ELK3: variants seen among roughly 807,000 people sequenced by gnomAD.
ELK3 encodes the protein ETS transcription factor ELK3.
A neutral mutation model predicts 28.9 loss-of-function variants in ELK3; 10 were observed. The observed-to-expected ratio is 0.35, with a 90% CI of 0.21 to 0.59. The LOEUF (loss-of-function observed/expected upper bound fraction) is 0.59, where lower values mean the gene tolerates loss of function less well. Among genes scored for constraint, ELK3 ranks in the 20% least tolerant of loss-of-function variants. ELK3 has a pLI of 0.82. For missense variants in ELK3, 463 were observed against 517.3 expected, an observed-to-expected ratio of 0.90 and a Z score of 1.02; for synonymous variants, 272 against 243.5, an observed-to-expected ratio of 1.12 and a Z score of -1.09.
At position 96,245,346 on chromosome 12, in the gene ELK3, G is replaced by A. The variant is rs79898718; in HGVS notation, c.208-1594G>A. On this transcript the variant is annotated intron_variant, in intron 2 of 4. Transcript: ENST00000228741. ...TTCTCTCCCCCTAAATTTGTGTGGG[G>A]ATGTGAAAAAGCTTACGCTTTAGAA... Among the ~76,000 whole-genome samples the A allele has an allele frequency of 6.3e-3, 966 of 152,262 alleles. 7 individuals carry two copies. The highest frequency in any genetic ancestry group is 0.024 in the Middle Eastern group (7 of 294).
At chr12:96,225,640 A>G (rs1951693636) in intron 2 of ELK3, among the ~76,000 whole-genome samples, 1 of 152,178 alleles carries the variant, frequency 6.6e-6, no homozygotes, top group Non-Finnish European at 1.5e-5. Flanking sequence ...CTTGGATGAG[A>G]AACCTGCCCA....
chr12:96,210,561 G>GCGCACACACACACACA (rs1555193024), intron 1 of ELK3, among the ~76,000 whole-genome samples: 90 of 144,848 alleles, frequency 6.2e-4, no homozygotes, highest in Admixed American at 2.5e-3. Context: ...GCGCGCGGGC[G>GCGCACACACACACACA]CACGCACACA....
At chr12:96,251,889 C>A (rs1375822739) in intron 3 of ELK3, among the ~76,000 whole-genome samples, 1 of 152,240 alleles carries the variant, frequency 6.6e-6, no homozygotes. Context: ...GGAGAAGCTG[C>A]AGTAAGCTGT....
At chr12:96,261,490 T>G (rs1951992203) in intron 4 of ELK3, among the ~76,000 whole-genome samples, 1 of 152,194 alleles carries the variant, frequency 6.6e-6, no homozygotes, top group African/African-American at 2.4e-5. Flanking sequence ...AGTCTTAAGA[T>G]TAGAGCAGCA....
chr12:96,255,957 A>G (rs926680463), intron 3 of ELK3, among the ~76,000 whole-genome samples: 3 of 152,148 alleles, frequency 2.0e-5, no homozygotes, highest in South Asian at 4.1e-4. Flanking sequence ...ATGAGAGCTT[A>G]GTCCTCAGAA....
chr12:96,240,388 G>C (rs1424010381), intron 2 of ELK3, among the ~76,000 whole-genome samples: 1 of 152,232 alleles, frequency 6.6e-6, no homozygotes, highest in Non-Finnish European at 1.5e-5. Flanking sequence ...TATGGGGCTT[G>C]TCATGCGTGG....
At position 96,223,618 on chromosome 12, in the gene ELK3, C is replaced by G. The variant is rs1162406674; in HGVS notation, c.52C>G (p.Gln18Glu). The G allele has an allele frequency of 1.2e-6, 2 of 1,614,032 alleles. No individual in the cohort carries two copies. Among genetic ancestry groups the G allele is most frequent in the South Asian group, 1.1e-5 (1 of 91,080 alleles). Residue 18 changes from glutamine to glutamate, a missense_variant, in exon 2 of 5, where the codon CAG (glutamine) becomes GAG (glutamate). By Grantham distance (29) the Gln-to-Glu change is conservative. Around this residue, in one of 2 missense-constraint regions of ELK3, gnomAD observed 55 missense variants for 102.5 expected, o/e 0.54. Transcript: ENST00000228741. ...GTTCCTGTTGCAGTTGCTGCTGGAT[C>G]AGAAACATGAGCATTTGATCTGCTG... ...WQFLLQLLLD[Q>E]KHEHLICWTS...
At chr12:96,235,931 G>A (rs544063516) in intron 2 of ELK3, among the ~76,000 whole-genome samples, 86 of 152,220 alleles carry the variant, frequency 5.6e-4, no homozygotes, top group African/African-American at 2.0e-3. Context: ...GGGTTCGAGC[G>A]ATTCTCCTGC....
At chr12:96,200,077 A>T (rs1951499149) in intron 1 of ELK3, among the ~76,000 whole-genome samples, 1 of 152,302 alleles carries the variant, frequency 6.6e-6, no homozygotes, top group Admixed American at 6.5e-5. Flanking sequence ...TTTTAAATTG[A>T]TATAAATGTA....
chr12:96,264,939 G>C (rs967992769), intron 4 of ELK3, among the ~76,000 whole-genome samples: 4 of 152,160 alleles, frequency 2.6e-5, no homozygotes, highest in African/African-American at 9.7e-5. Flanking sequence ...AGGGATATTG[G>C]CTAGTTTATT....
chr12:96,204,773 GA>G (rs1306287237), intron 1 of ELK3, among the ~76,000 whole-genome samples: 2 of 152,200 alleles, frequency 1.3e-5, no homozygotes, highest in African/African-American at 4.8e-5. Flanking sequence ...GCCAGAAAAG[GA>G]GGTGTAAATG....
chr12:96,225,295 G>A (rs1451421459), intron 2 of ELK3, among the ~76,000 whole-genome samples: 1 of 152,184 alleles, frequency 6.6e-6, no homozygotes, highest in Non-Finnish European at 1.5e-5. Flanking sequence ...TCTGTGTCTG[G>A]GACTTGACTC....
chr12:96,199,219 T>C (rs1225395707), intron 1 of ELK3, among the ~76,000 whole-genome samples: 1 of 152,212 alleles, frequency 6.6e-6, no homozygotes, highest in Non-Finnish European at 1.5e-5. Flanking sequence ...ACTGAAAATA[T>C]ACCTTGAAAT....
chr12:96,266,222 CAT>C (rs1279948698), intron 4 of ELK3, among the ~76,000 whole-genome samples: 9 of 152,180 alleles, frequency 5.9e-5, no homozygotes, highest in Non-Finnish European at 7.4e-5. Context: ...GTACTTCTAA[CAT>C]GTGTCAGGCT....
intron 2 of ELK3, among the ~76,000 whole-genome samples, chr12:96,225,221 G>A (rs910707272): frequency 6.6e-6 from 1 of 152,216 alleles, no homozygotes; most frequent in Non-Finnish European, 1.5e-5. Flanking sequence ...TAAAAGCTGG[G>A]CTTTGAGACT....
intron 2 of ELK3, among the ~76,000 whole-genome samples, chr12:96,243,064 G>A (rs752658789): frequency 6.6e-6 from 1 of 152,204 alleles, no homozygotes; most frequent in Non-Finnish European, 1.5e-5. Flanking sequence ...GTAGGGTTAT[G>A]ACAGTTGCTT....
chr12:96,259,997 C>A, intron 4 of ELK3, 144 bp downstream of exon 4: 2 of 1,136,576 alleles, frequency 1.8e-6, no homozygotes, highest in Non-Finnish European at 2.3e-6. Context: ...AGTGGGGTTG[C>A]ACGCCCTTCA....
chr12:96,235,944 TA>T (rs1951779840), intron 2 of ELK3, among the ~76,000 whole-genome samples: 1 of 152,116 alleles, frequency 6.6e-6, no homozygotes, highest in Non-Finnish European at 1.5e-5. Context: ...TCTCCTGCCT[TA>T]GCCTCCTGAG....
chr12:96,205,214 G>T (rs1951532216), intron 1 of ELK3, among the ~76,000 whole-genome samples: 1 of 152,190 alleles, frequency 6.6e-6, no homozygotes, highest in African/African-American at 2.4e-5. Context: ...TACAGAATTT[G>T]CAGGAAAGAA....
Sources: allele counts gnomAD v4.1 joint callset (sites outside exome capture counted in the v4.1 genomes callset), GRCh38; gene constraint gnomAD v4.1.1; regional missense constraint gnomAD v4.1.1; transcripts MANE v1.5; gene names NCBI Gene and HGNC (gene_info 2026-07-23, HGNC 2026-07-21).